DPF3: variants seen among roughly 807,000 people sequenced by gnomAD.
The protein encoded by DPF3 is double PHD fingers 3, also known as zinc finger protein DPF3.
In DPF3, 18 loss-of-function variants were observed where a neutral mutation model predicts 56.8. That is an observed-to-expected ratio of 0.32 (90% CI 0.22 to 0.47). The LOEUF (loss-of-function observed/expected upper bound fraction) is 0.47. Ranked by LOEUF, DPF3 falls within the 20% of genes least tolerant of loss-of-function variation. The pLI is 1.00. For missense variants in DPF3, 403 were observed against 488.8 expected (o/e 0.82, Z 1.65); for synonymous variants, 188 against 180.2 (o/e 1.04, Z -0.35).
At chr14:72,650,589 C>T (rs1038655244) in intron 8 of DPF3, among the ~76,000 whole-genome samples, 9 of 152,350 alleles carry the variant, frequency 5.9e-5, no homozygotes, top group African/African-American at 2.2e-4. Context: ...GCCAACACAG[C>T]CTCATCTGGA....
intron 6 of DPF3, among the ~76,000 whole-genome samples, chr14:72,706,557 G>A (rs1222745337): frequency 1.3e-5 from 2 of 152,118 alleles, no homozygotes; most frequent in Admixed American, 6.5e-5. Flanking sequence ...CGGAGGACAT[G>A]GAGACTCCTA....
At chr14:72,841,953 G>T (rs1343381788) in intron 1 of DPF3, among the ~76,000 whole-genome samples, 4 of 152,050 alleles carry the variant, frequency 2.6e-5, no homozygotes, top group Admixed American at 2.6e-4. Context: ...GCTGGGTGTG[G>T]TGGTACACCT....
At chr14:72,864,221 T>A (rs949750598) in intron 1 of DPF3, among the ~76,000 whole-genome samples, 3 of 150,042 alleles carry the variant, frequency 2.0e-5, no homozygotes, top group African/African-American at 7.4e-5. Context: ...CTTCATGGAC[T>A]GCTTCTCCTC....
intron 8 of DPF3, among the ~76,000 whole-genome samples, chr14:72,643,949 A>G (rs1177667986): frequency 1.3e-5 from 2 of 152,254 alleles, no homozygotes; most frequent in African/African-American, 4.8e-5. Context: ...ACGAAGCCTC[A>G]CTGGCTCCTT....
chr14:72,714,242 C>T (rs1234641568), intron 6 of DPF3, among the ~76,000 whole-genome samples, 181 bp downstream of exon 6: 1 of 152,168 alleles, frequency 6.6e-6, no homozygotes. Flanking sequence ...CCTGGGGCAG[C>T]AGAGGCCCAA....
At chr14:72,804,812 AAATAGGCTG>A (rs1893026489) in intron 1 of DPF3, among the ~76,000 whole-genome samples, 1 of 152,166 alleles carries the variant, frequency 6.6e-6, no homozygotes, top group Admixed American at 6.5e-5. Context: ...CGTTGGTATA[AAATAGGCTG>A]AGTCCTGGGA....
intron 1 of DPF3, among the ~76,000 whole-genome samples, chr14:72,784,396 T>A (rs745907895): frequency 6.6e-6 from 1 of 152,150 alleles, no homozygotes; most frequent in Admixed American, 6.5e-5. Flanking sequence ...CACCTCTACA[T>A]GCCAGGATAA....
chr14:72,892,363 G>C (rs1195411860), intron 1 of DPF3: 3 of 1,531,628 alleles, frequency 2.0e-6, no homozygotes, highest in Admixed American at 2.0e-5. Context: ...TGGGTGAAAC[G>C]CTGTGGCGTT....
At chr14:72,710,503 T>G (rs184040218) in intron 6 of DPF3, among the ~76,000 whole-genome samples, 2 of 152,338 alleles carry the variant, frequency 1.3e-5, no homozygotes, top group Non-Finnish European at 1.5e-5. Context: ...GAAGCCTTCA[T>G]GTTTAAATGA....
rs138192154 is a variant in DPF3 at position 72,834,852 on chromosome 14, C to T, written c.32+59205G>A. ...AAATGTGGCGTATTCATACAAGGGACTATTATTCAGCCATAAAAAGGAAGG... is the reference window on the plus strand; with the variant it reads ...AAATGTGGCGTATTCATACAAGGGATTATTATTCAGCCATAAAAAGGAAGG... On this transcript the variant is annotated intron_variant, in intron 1 of 10. Coordinates refer to ENST00000556509, the MANE Select transcript of DPF3 (RefSeq NM_001280542.3). 7.2e-3 allele frequency among the ~76,000 whole-genome samples: 1,097 copies of T among 152,252 alleles called. 12 individuals carry two copies. The highest frequency in any genetic ancestry group is 0.025 in the African/African-American group (1,051 of 41,552).
At chr14:72,888,737 T>C (rs1599528597) in intron 1 of DPF3, among the ~76,000 whole-genome samples, 1 of 152,306 alleles carries the variant, frequency 6.6e-6, no homozygotes. Flanking sequence ...GGGCAAAAAA[T>C]ATTTCAGTGG....
intron 8 of DPF3, chr14:72,673,894 T>C (rs932796078): frequency 3.1e-5 from 7 of 227,658 alleles, no homozygotes; most frequent in Non-Finnish European, 6.1e-5. Context: ...TTCTGTTACA[T>C]GTGCATCATC....
chr14:72,893,236 G>T (rs1886847123), intron 1 of DPF3, among the ~76,000 whole-genome samples: 1 of 152,180 alleles, frequency 6.6e-6, no homozygotes, highest in South Asian at 2.1e-4. Context: ...CTCTCCGCCT[G>T]CCTCAGCGCC....
At chr14:72,837,535 C>T (rs1472917771) in intron 1 of DPF3, among the ~76,000 whole-genome samples, 3 of 151,964 alleles carry the variant, frequency 2.0e-5, no homozygotes, top group African/African-American at 7.2e-5. Context: ...GTCAGGAGTT[C>T]GAGACCAGCC....
chr14:72,719,470 T>C (rs368620394), intron 5 of DPF3, among the ~76,000 whole-genome samples: 1 of 152,170 alleles, frequency 6.6e-6, no homozygotes, highest in East Asian at 1.9e-4. Context: ...ACTTACTGCA[T>C]CAGAATTTGT....
intron 1 of DPF3, among the ~76,000 whole-genome samples, chr14:72,789,442 T>C (rs4903059): frequency 0.084 from 12,756 of 152,302 alleles, 780 homozygotes; most frequent in South Asian, 0.21. Flanking sequence ...ACGCTGCCTC[T>C]GTAGGAGAGG....
rs114259617 is a variant in DPF3 at position 72,609,607 on chromosome 14, G to A, written c.*9690C>T. ...AGGAACCACGAAAGAGTGGGAACCT[G>A]ACACACGTGGGAAGGGCACATCCCC... On this transcript the variant is annotated 3_prime_UTR_variant, in exon 11 of 11. Coordinates refer to ENST00000556509, the MANE Select transcript of DPF3 (RefSeq NM_001280542.3). Among the ~76,000 whole-genome samples, 578 of 152,280 alleles carry A rather than the reference G, an allele frequency of 3.8e-3. 9 individuals are homozygous for A. Among genetic ancestry groups the A allele is most frequent in the African/African-American group, 0.013 (555 of 41,548 alleles).
At position 72,617,274 on chromosome 14, in the gene DPF3, C is replaced by T. The variant is rs12590634; in HGVS notation, c.*2023G>A. Among the ~76,000 whole-genome samples, 45,929 of 152,164 alleles carry T rather than the reference C, an allele frequency of 0.3. 8,472 individuals carry two copies. Among genetic ancestry groups the T allele is most frequent in the East Asian group, 0.68 (3,522 of 5,168 alleles). ...TTTAAGCTATTGTGGCACTTGGGAA[C>T]ATTTGGGGAACTTTTTTTTCTAAAT... On this transcript the variant is annotated 3_prime_UTR_variant, in exon 11 of 11. Transcript: ENST00000556509.
At chr14:72,718,919 T>C (rs1889052462) in intron 5 of DPF3, among the ~76,000 whole-genome samples, 1 of 151,442 alleles carries the variant, frequency 6.6e-6, no homozygotes, top group Non-Finnish European at 1.5e-5. Flanking sequence ...TACAGGTGCA[T>C]GCCGGCATGC....
Sources: allele counts gnomAD v4.1 joint callset (sites outside exome capture counted in the v4.1 genomes callset), GRCh38; gene constraint gnomAD v4.1.1; transcripts MANE v1.5; gene names NCBI Gene and HGNC (gene_info 2026-07-23, HGNC 2026-07-21).